Variants in ZRANB3 observed in about 807,000 individuals in gnomAD.
ZRANB3 encodes zinc finger RANBP2-type containing 3.
A neutral mutation model predicts 133.8 loss-of-function variants in ZRANB3; 125 were observed. That is an observed-to-expected ratio of 0.93 (90% CI 0.81 to 1.08). ZRANB3 has a LOEUF of 1.08. Ranked by LOEUF, ZRANB3 falls within the 50% of genes least tolerant of loss-of-function variation. ZRANB3 has a pLI of 0.00. For missense variants in ZRANB3, 1,229 were observed against 1,275.5 expected, an observed-to-expected ratio of 0.96 and a Z score of 0.56; for synonymous variants, 387 against 432.7, an observed-to-expected ratio of 0.89 and a Z score of 1.31.
chr2:135,401,800 T>C (rs1420334518), intron 2 of ZRANB3, among the ~76,000 whole-genome samples: 3 of 152,176 alleles, frequency 2.0e-5, no homozygotes, highest in Non-Finnish European at 2.9e-5. Context: ...AATAGTCCAA[T>C]ATATTTTAGC....
intron 8 of ZRANB3, among the ~76,000 whole-genome samples, chr2:135,298,992 T>C (rs1682299096): frequency 6.6e-6 from 1 of 152,044 alleles, no homozygotes; most frequent in Non-Finnish European, 1.5e-5. Flanking sequence ...TGCAGCAGTA[T>C]AGGGGGCATA....
intron 2 of ZRANB3, among the ~76,000 whole-genome samples, chr2:135,398,450 T>C (rs1317932677): frequency 2.6e-5 from 4 of 152,042 alleles, no homozygotes; most frequent in Non-Finnish European, 5.9e-5. Flanking sequence ...GCTGCACATT[T>C]CATTGTATCT....
chr2:135,213,957 C>T lies in ZRANB3; in HGVS notation c.2495+3508G>A, dbSNP rs531461869. Among the ~76,000 whole-genome samples the T allele has an allele frequency of 1.1e-4, 16 of 152,166 alleles. 1 individual carries two copies. The East Asian group carries it at 2.9e-3, about 28-fold the overall frequency. On this transcript the variant is annotated intron_variant, in intron 17 of 20. Coordinates refer to ENST00000264159, the MANE Select transcript of ZRANB3 (RefSeq NM_032143.4). ...CCATGTGCTAGGACCACAGAGAGGC[C>T]TCTAGGAGCTGATGGTCCAGCCGAC...
At chr2:135,263,103 T>A (rs1680042943) in intron 12 of ZRANB3, among the ~76,000 whole-genome samples, 1 of 152,190 alleles carries the variant, frequency 6.6e-6, no homozygotes, top group African/African-American at 2.4e-5. Context: ...CTTCCCCATA[T>A]CCATTCTTCT....
chr2:135,283,527 T>C (rs1280326187), intron 8 of ZRANB3, among the ~76,000 whole-genome samples: 1 of 150,560 alleles, frequency 6.6e-6, no homozygotes, highest in East Asian at 2.0e-4. Context: ...GGGGAATCAC[T>C]TGAAGCCGGG....
intron 17 of ZRANB3, among the ~76,000 whole-genome samples, chr2:135,209,461 AC>A (rs1274834740): frequency 6.6e-6 from 1 of 152,162 alleles, no homozygotes; most frequent in Non-Finnish European, 1.5e-5. Context: ...TTTTTAGTTA[AC>A]CAGGTTCAAT....
chr2:135,524,273 G>A (rs1574254503), intron 1 of ZRANB3, among the ~76,000 whole-genome samples: 1 of 152,036 alleles, frequency 6.6e-6, no homozygotes, highest in East Asian at 1.9e-4. Flanking sequence ...GTAGAGACGG[G>A]GTTTCACCAT....
intron 12 of ZRANB3, among the ~76,000 whole-genome samples, chr2:135,252,157 C>A (rs766746680): frequency 6.6e-6 from 1 of 151,972 alleles, no homozygotes; most frequent in Non-Finnish European, 1.5e-5. Flanking sequence ...AACTTATGAA[C>A]ACAAAAAAGG....
At chr2:135,529,596 T>G (rs911853717) in intron 1 of ZRANB3, among the ~76,000 whole-genome samples, 1 of 152,016 alleles carries the variant, frequency 6.6e-6, no homozygotes, top group Non-Finnish European at 1.5e-5. Context: ...ACTTCCGAAG[T>G]TGAAGCGATT....
chr2:135,325,639 C>G (rs1285282660), intron 6 of ZRANB3, among the ~76,000 whole-genome samples: 1 of 152,130 alleles, frequency 6.6e-6, no homozygotes, highest in Admixed American at 6.6e-5. Flanking sequence ...TCATGATTCA[C>G]CCACCTCAGC....
At chr2:135,201,499 A>C (rs1476748607) in intron 20 of ZRANB3, among the ~76,000 whole-genome samples, 1 of 151,968 alleles carries the variant, frequency 6.6e-6, no homozygotes, top group Admixed American at 6.6e-5. Flanking sequence ...CTAAAAATAC[A>C]AAAATCAGCC....
At chr2:135,214,470 C>A (rs1260876902) in intron 17 of ZRANB3, among the ~76,000 whole-genome samples, 1 of 151,984 alleles carries the variant, frequency 6.6e-6, no homozygotes, top group Non-Finnish European at 1.5e-5. Flanking sequence ...TGATCAGTCA[C>A]CTTTCTCAGT....
chr2:135,357,779 T>G (rs1156271540), intron 3 of ZRANB3, among the ~76,000 whole-genome samples: 1 of 152,212 alleles, frequency 6.6e-6, no homozygotes, highest in East Asian at 1.9e-4. Context: ...CTCTATTTCC[T>G]TTTCCTTTTG....
chr2:135,422,681 G>A (rs923114937), intron 2 of ZRANB3, among the ~76,000 whole-genome samples: 2 of 152,236 alleles, frequency 1.3e-5, no homozygotes, highest in Admixed American at 1.3e-4. Flanking sequence ...AAAGAGCCCA[G>A]AAAATGACAG....
chr2:135,232,884 T>A (rs1402693201), intron 12 of ZRANB3, among the ~76,000 whole-genome samples: 1 of 152,084 alleles, frequency 6.6e-6, no homozygotes, highest in East Asian at 1.9e-4. Flanking sequence ...AAAATCAGGG[T>A]GCCTCTCCTC....
At position 135,315,446 on chromosome 2, in the gene ZRANB3, A is replaced by T; in HGVS notation, c.762T>A (p.Ile254=). The T allele has an allele frequency of 6.2e-7, 1 of 1,602,832 alleles. No individual in the cohort carries two copies. The highest frequency in any genetic ancestry group is 8.5e-7 in the Non-Finnish European group (1 of 1,175,528). ...TTAAAACTTCAGTCTTTAATCTTCTAATCATTATGTCACTTAATAGCTGGT... is the reference window on the plus strand; with the variant it reads ...TTAAAACTTCAGTCTTTAATCTTCTTATCATTATGTCACTTAATAGCTGGT... ...ELHQLLSDIM[I]RRLKTEVLTQ... is the part of the protein sequence containing the mutation. Residue 254 remains isoleucine (I), a synonymous_variant, in exon 7 of 21, where the codon ATT becomes ATA. Coordinates refer to ENST00000264159, the MANE Select transcript of ZRANB3 (RefSeq NM_032143.4).
At chr2:135,482,628 C>T (rs1045370662) in intron 2 of ZRANB3, among the ~76,000 whole-genome samples, 1 of 152,152 alleles carries the variant, frequency 6.6e-6, no homozygotes, top group Non-Finnish European at 1.5e-5. Context: ...TGCCTCATTG[C>T]CCTGGCCAGA....
intron 6 of ZRANB3, among the ~76,000 whole-genome samples, chr2:135,339,508 G>A (rs1181196020): frequency 1.3e-5 from 2 of 152,108 alleles, no homozygotes; most frequent in Non-Finnish European, 2.9e-5. Context: ...CCTGAGCCAA[G>A]GCAGTTGAGG....
At chr2:135,377,854 G>A (rs1039026667) in intron 3 of ZRANB3, among the ~76,000 whole-genome samples, 13 of 152,200 alleles carry the variant, frequency 8.5e-5, no homozygotes, top group Admixed American at 6.5e-4. Flanking sequence ...ATTTGAGTTA[G>A]CAGGCTGACA....
Sources: allele counts gnomAD v4.1 joint callset (sites outside exome capture counted in the v4.1 genomes callset), GRCh38; gene constraint gnomAD v4.1.1; transcripts MANE v1.5; gene names NCBI Gene and HGNC (gene_info 2026-07-23, HGNC 2026-07-21).